The following SIRT1 variants were observed in gnomAD, a reference collection of about 807,000 sequenced individuals.
SIRT1 encodes sirtuin 1.
A neutral mutation model predicts 67.9 loss-of-function variants in SIRT1; 24 were observed. The ratio of observed to expected loss-of-function variants is 0.35; its 90% CI spans 0.26 to 0.50. The LOEUF (loss-of-function observed/expected upper bound fraction) is 0.50, where lower values mean the gene tolerates loss of function less well. SIRT1 is among the 20% of genes least tolerant of loss of function. SIRT1 has a pLI of 0.98. For missense variants in SIRT1, 873 were observed against 937.2 expected (o/e 0.93, Z 0.89); for synonymous variants, 378 against 350.7 (o/e 1.08, Z -0.87).
rs1197780467 is a variant in SIRT1, at chr10:67,885,084, C to T, written c.363C>T (p.Tyr121=). Residue 121 remains tyrosine, a synonymous_variant, in exon 1 of 9, where the codon TAC becomes TAT. Coordinates refer to ENST00000212015, the MANE Select transcript of SIRT1 (RefSeq NM_012238.5). ...AGCCACCGCTGGCCGACAACTTGTA[C>T]GACGAAGACGACGACGACGAGGGCG... ...SREPPLADNL[Y]DEDDDDEGEE... The T allele has an allele frequency of 3.5e-6, 5 of 1,445,514 alleles. No homozygotes were observed. Among genetic ancestry groups the T allele is most frequent in the Non-Finnish European group, 2.7e-6 (3 of 1,092,700 alleles). 89.5% of individuals were successfully genotyped at this position (1,445,514 alleles called of 1,614,324 possible).
chr10:67,895,746 T>G (rs1202084406), intron 4 of SIRT1, among the ~76,000 whole-genome samples: 3 of 91,816 alleles, frequency 3.3e-5, no homozygotes, highest in Admixed American at 1.1e-4. Context: ...TTTTTTTTTT[T>G]TGTTTTTTTT....
intron 5 of SIRT1, among the ~76,000 whole-genome samples, chr10:67,907,314 G>A (rs1842834151): frequency 6.6e-6 from 1 of 151,972 alleles, no homozygotes; most frequent in Admixed American, 6.6e-5. Flanking sequence ...GGCCAACATG[G>A]TGAAATCCCA....
At chr10:67,886,026 A>G (rs1284724747) in intron 1 of SIRT1, among the ~76,000 whole-genome samples, 4 of 142,422 alleles carry the variant, frequency 2.8e-5, no homozygotes, top group Non-Finnish European at 4.5e-5. Context: ...GCTCAGTGCA[A>G]CCTCCGCCTC....
At chr10:67,914,817 C>T (rs1238223819) in intron 8 of SIRT1, among the ~76,000 whole-genome samples, 2 of 151,926 alleles carry the variant, frequency 1.3e-5, no homozygotes, top group African/African-American at 4.8e-5. Flanking sequence ...AAGCGATTCT[C>T]CTGCCTCACT....
chr10:67,887,571 A>G (rs762483195), intron 2 of SIRT1, 38 bp downstream of exon 2: 3 of 1,418,180 alleles, frequency 2.1e-6, no homozygotes. Flanking sequence ...GAGTAAATGT[A>G]CGGTTTTTGG....
rs946963034 is a variant in SIRT1, at chr10:67,906,002, C to T, written c.943-788C>T. On this transcript the variant is annotated intron_variant, in intron 4 of 8. Transcript: ENST00000212015. ...GTAAGGAAGTAAGTAGATGATAGCACTACTACTTTGAAGGAAAAAGTAGAG... is the reference window on the plus strand; with the variant it reads ...GTAAGGAAGTAAGTAGATGATAGCATTACTACTTTGAAGGAAAAAGTAGAG... The T allele has an allele frequency of 1.8e-5, 9 of 491,134 alleles. No homozygotes were observed. In the East Asian group the frequency reaches 3.7e-4, roughly 20 times the overall value. The allele number at this position is 491,134 out of a possible 1,614,324, so 30.4% of individuals were successfully genotyped here.
intron 4 of SIRT1, among the ~76,000 whole-genome samples, chr10:67,893,398 T>G (rs1194140724): frequency 1.3e-5 from 2 of 152,092 alleles, no homozygotes; most frequent in Admixed American, 6.6e-5. Flanking sequence ...ACATGTGGTG[T>G]TTGGTTTTCT....
intron 4 of SIRT1, among the ~76,000 whole-genome samples, chr10:67,902,069 A>G (rs1589077646): frequency 6.6e-6 from 1 of 152,150 alleles, no homozygotes; most frequent in African/African-American, 2.4e-5. Flanking sequence ...GCTCACTGCA[A>G]CCTCCGCCTC....
chr10:67,916,231 A>T (rs771202497), intron 8 of SIRT1, 34 bp from the exon 9 acceptor site: 2 of 1,561,186 alleles, frequency 1.3e-6, no homozygotes, highest in African/African-American at 2.7e-5. Flanking sequence ...AGTGTTAGAA[A>T]ACTGAAAGTA....
intron 7 of SIRT1, among the ~76,000 whole-genome samples, chr10:67,911,028 G>A (rs573555633): frequency 6.6e-6 from 1 of 152,144 alleles, no homozygotes; most frequent in Non-Finnish European, 1.5e-5. Context: ...CCCATATCTC[G>A]TGGCTTTAGC....
At chr10:67,901,904 A>G (rs1052932135) in intron 4 of SIRT1, among the ~76,000 whole-genome samples, 6 of 152,256 alleles carry the variant, frequency 3.9e-5, no homozygotes, top group Non-Finnish European at 7.3e-5. Flanking sequence ...TCAAGCTAAT[A>G]TTCATTACTT....
rs1283439167 is a variant in SIRT1 at position 67,916,583 on chromosome 10, ACAAAT to A, written c.2237_2241del (p.Lys746IlefsTer3). On this transcript the variant is annotated frameshift_variant, in exon 9 of 9. Transcript: ENST00000212015. LOFTEE classifies it high-confidence loss of function. ...GTAACAGACATGAACTATCCATCAA[ACAAAT>A]CATAGTGTAATAATTGTGCAGGTAC... 13 of 1,608,722 alleles carry A rather than the reference ACAAAT, an allele frequency of 8.1e-6. No individual in the cohort carries two copies. Among genetic ancestry groups the A allele is most frequent in the South Asian group, 2.2e-5 (2 of 90,772 alleles).
intron 2 of SIRT1, 93 bp downstream of exon 2, chr10:67,887,626 G>A: frequency 1.3e-6 from 1 of 788,922 alleles, no homozygotes; most frequent in Non-Finnish European, 2.1e-6. Context: ...GCGGAGGCTG[G>A]AGTGCAATGG....
intron 2 of SIRT1, among the ~76,000 whole-genome samples, 159 bp from the exon 3 acceptor site, chr10:67,888,723 A>T (rs1225543517): frequency 6.6e-6 from 1 of 152,236 alleles, no homozygotes; most frequent in Admixed American, 6.5e-5. Flanking sequence ...ATTGGGATAT[A>T]GCATTAATTC....
chr10:67,908,341 GCTT>G (rs1289216844), intron 6 of SIRT1, among the ~76,000 whole-genome samples: 1 of 152,126 alleles, frequency 6.6e-6, no homozygotes, highest in Admixed American at 6.5e-5. Flanking sequence ...TATGAAATTG[GCTT>G]CTTAGTATCT....
chr10:67,914,558 A>G (rs1458960845), intron 8 of SIRT1, among the ~76,000 whole-genome samples: 1 of 152,226 alleles, frequency 6.6e-6, no homozygotes, highest in Non-Finnish European at 1.5e-5. Context: ...ACTGACTTAG[A>G]TACACAGTTG....
At chr10:67,892,546 G>A (rs1215800259) in intron 4 of SIRT1, among the ~76,000 whole-genome samples, 1 of 152,046 alleles carries the variant, frequency 6.6e-6, no homozygotes, top group Non-Finnish European at 1.5e-5. Flanking sequence ...ACTCCACCCT[G>A]GGCAACAGAG....
At position 67,912,788 on chromosome 10, in the gene SIRT1, C is replaced by A; in HGVS notation, c.1672C>A (p.Gln558Lys). 1 of 1,614,040 alleles carries A rather than the reference C, an allele frequency of 6.2e-7. No homozygotes were observed. The highest frequency in any genetic ancestry group is 1.1e-5 in the South Asian group (1 of 91,076). ...TTCAGTGATTGTCACACTTTTAGAC[C>A]AAGCAGCTAAGAGTAATGATGATTT... ...DSSVIVTLLD[Q>K]AAKSNDDLDV... The change falls in exon 8 of 9, where the codon CAA becomes AAA. Residue 558 changes from glutamine to lysine, a missense_variant. Coordinates refer to ENST00000212015, the MANE Select transcript of SIRT1 (RefSeq NM_012238.5).
At chr10:67,893,533 G>A (rs1488646662) in intron 4 of SIRT1, among the ~76,000 whole-genome samples, 1 of 150,114 alleles carries the variant, frequency 6.7e-6, no homozygotes, top group Non-Finnish European at 1.5e-5. Flanking sequence ...AGAAGTTAAT[G>A]AACCTAGCTT....
Sources: gnomAD v4.1 joint callset for allele counts (sites outside exome capture counted in the v4.1 genomes callset) on GRCh38, gnomAD v4.1.1 for gene constraint, MANE v1.5 for transcripts, NCBI Gene and HGNC (gene_info 2026-07-23, HGNC 2026-07-21) for gene names.